Variants in ERC2 observed in about 807,000 individuals in gnomAD.
ERC2 encodes the protein ERC protein 2.
Under a neutral mutation model 114.8 loss-of-function variants are expected in ERC2, and 42 were observed. That is an observed-to-expected ratio of 0.37 (90% CI 0.29 to 0.47). ERC2 has a LOEUF of 0.47. ERC2 is among the 20% of genes least tolerant of loss of function. ERC2 has a pLI of 0.99. For missense variants in ERC2, 939 were observed against 1,150.7 expected (o/e 0.82, Z 2.66); for synonymous variants, 454 against 425.5 (o/e 1.07, Z -0.82).
At chr3:55,693,032 T>C (rs957990859) in intron 16 of ERC2, among the ~76,000 whole-genome samples, 3 of 152,222 alleles carry the variant, frequency 2.0e-5, no homozygotes, top group Non-Finnish European at 4.4e-5. Flanking sequence ...CTCTGAAATA[T>C]GTCCAATGGT....
intron 3 of ERC2, among the ~76,000 whole-genome samples, chr3:56,278,269 C>G (rs1162519534): frequency 6.6e-6 from 1 of 152,194 alleles, no homozygotes; most frequent in Non-Finnish European, 1.5e-5. Flanking sequence ...GTGTTCCAAT[C>G]CCCTGAGAGG....
At chr3:55,846,229 T>C (rs7638901) in intron 14 of ERC2, among the ~76,000 whole-genome samples, 12,449 of 152,278 alleles carry the variant, frequency 0.082, 780 homozygotes, top group African/African-American at 0.17. Flanking sequence ...CTCCCTCTTA[T>C]AAATGAGAAC....
chr3:55,651,014 ATTTTTTTTTTTT>A (rs71096493), intron 17 of ERC2, among the ~76,000 whole-genome samples: 1 of 96,316 alleles, frequency 1.0e-5, no homozygotes, highest in African/African-American at 4.2e-5. Flanking sequence ...CACCCAGCTA[ATTTTTTTTTTTT>A]TTTTTTTTTT....
intron 12 of ERC2, among the ~76,000 whole-genome samples, chr3:55,983,040 C>T (rs2070287303): frequency 6.6e-6 from 1 of 152,192 alleles, no homozygotes; most frequent in Admixed American, 6.5e-5. Flanking sequence ...ACCAACAGCC[C>T]CTTCATCAAA....
chr3:55,697,921 C>G (rs904421535), intron 16 of ERC2, among the ~76,000 whole-genome samples: 3 of 151,684 alleles, frequency 2.0e-5, no homozygotes, highest in African/African-American at 7.3e-5. Flanking sequence ...GGAATGAGAA[C>G]GAGTTGGTTT....
intron 3 of ERC2, among the ~76,000 whole-genome samples, chr3:56,263,013 C>G (rs1329196692): frequency 6.6e-6 from 1 of 152,194 alleles, no homozygotes; most frequent in Non-Finnish European, 1.5e-5. Context: ...ACAGCAGCAA[C>G]AAGCAAAGCA....
chr3:56,006,399 T>G (rs2149560155), intron 10 of ERC2, among the ~76,000 whole-genome samples: 1 of 152,188 alleles, frequency 6.6e-6, no homozygotes, highest in Non-Finnish European at 1.5e-5. Context: ...TATGCTTTGA[T>G]TGATTGTTTA....
intron 2 of ERC2, among the ~76,000 whole-genome samples, chr3:56,382,703 T>C (rs1204690306): frequency 6.6e-6 from 1 of 152,194 alleles, no homozygotes; most frequent in African/African-American, 2.4e-5. Context: ...GTGTTCATTC[T>C]CTGGCCACCT....
rs189373705 is a variant in ERC2 at position 56,265,926 on chromosome 3, G to A, written c.1074+30093C>T. The stretch of plus-strand genomic sequence containing the variant: ...TGCCTGTAGTCCCAGCTACTCAGGC[G>A]GCTGAGGCAGGAGAATCACTTGAAC... On this transcript the variant is annotated intron_variant, in intron 3 of 17. Coordinates refer to ENST00000288221, the MANE Select transcript of ERC2 (RefSeq NM_015576.3). Among the ~76,000 whole-genome samples, 697 of 151,502 alleles carry A rather than the reference G, an allele frequency of 4.6e-3. 4 individuals carry two copies. The highest frequency in any genetic ancestry group is 0.016 in the African/African-American group (661 of 41,288).
chr3:56,246,029 C>T (rs1264295997), intron 3 of ERC2, among the ~76,000 whole-genome samples: 3 of 148,510 alleles, frequency 2.0e-5, no homozygotes, highest in Non-Finnish European at 4.4e-5. Context: ...TTCCTAAAAG[C>T]GACTTCTTTT....
At chr3:56,196,900 C>T (rs1420223174) in intron 3 of ERC2, among the ~76,000 whole-genome samples, 1 of 152,140 alleles carries the variant, frequency 6.6e-6, no homozygotes, top group Non-Finnish European at 1.5e-5. Context: ...ATTAGAATCC[C>T]TGGGAATAAC....
chr3:56,231,398 A>T (rs1437621313), intron 3 of ERC2, among the ~76,000 whole-genome samples: 3 of 152,200 alleles, frequency 2.0e-5, no homozygotes, highest in Non-Finnish European at 4.4e-5. Context: ...TTCTCTCAGG[A>T]ATGCCCTTCC....
intron 13 of ERC2, among the ~76,000 whole-genome samples, chr3:55,911,623 T>G (rs2064820427): frequency 6.6e-6 from 1 of 152,162 alleles, no homozygotes; most frequent in Admixed American, 6.5e-5. Context: ...GACCACCAAT[T>G]TGCATTCCCA....
chr3:55,731,662 A>G (rs2065258933), intron 15 of ERC2, among the ~76,000 whole-genome samples: 1 of 152,306 alleles, frequency 6.6e-6, no homozygotes, highest in East Asian at 1.9e-4. Context: ...GCATTATGGT[A>G]TATCCAACTG....
At chr3:56,296,611 G>A (rs1032510602) in intron 2 of ERC2, among the ~76,000 whole-genome samples, 176 bp from the exon 3 acceptor site, 9 of 152,186 alleles carry the variant, frequency 5.9e-5, no homozygotes, top group Admixed American at 5.2e-4. Context: ...CACATGGAGA[G>A]GGGGAGATTA....
chr3:56,428,550 A>AGGGT (rs1464085174), intron 2 of ERC2, among the ~76,000 whole-genome samples: 1 of 18,792 alleles, frequency 5.3e-5, no homozygotes, highest in Admixed American at 9.0e-4. Flanking sequence ...AAAGGAAGGA[A>AGGGT]GGAAGGGAGG....
Position 56,149,234 on chromosome 3 carries a change from A to G in ERC2, c.1150-102T>C, listed in dbSNP as rs564794422. On this transcript the variant is annotated intron_variant, in intron 4 of 17. Coordinates refer to ENST00000288221, the MANE Select transcript of ERC2 (RefSeq NM_015576.3). ...AAAGTAATTTTGGTAGTGCTGTCAC[A>G]TATTAACCATGGTATAGACAGCCCT... The G allele has an allele frequency of 1.1e-5, 12 of 1,119,674 alleles. No homozygotes were observed. In the African/African-American group the frequency reaches 1.7e-4, roughly 16 times the overall value. 69.4% of individuals were successfully genotyped at this position (1,119,674 alleles called of 1,614,324 possible).
intron 2 of ERC2, among the ~76,000 whole-genome samples, chr3:56,354,261 C>T (rs1052580605): frequency 6.6e-6 from 1 of 152,200 alleles, no homozygotes; most frequent in Non-Finnish European, 1.5e-5. Context: ...TGGGGATTGG[C>T]GACCATTCGC....
chr3:55,649,930 C>T (rs1200792868), intron 17 of ERC2, among the ~76,000 whole-genome samples: 2 of 152,190 alleles, frequency 1.3e-5, no homozygotes, highest in Non-Finnish European at 2.9e-5. Context: ...GGAAGACATG[C>T]AGGTGGGCCA....
Sources: gnomAD v4.1 joint callset for allele counts (sites outside exome capture counted in the v4.1 genomes callset) on GRCh38, gnomAD v4.1.1 for gene constraint, MANE v1.5 for transcripts, NCBI Gene and HGNC (gene_info 2026-07-23, HGNC 2026-07-21) for gene names.